RBL1: variants seen among roughly 807,000 people sequenced by gnomAD.
The protein encoded by RBL1 is retinoblastoma-like protein 1.
Under a neutral mutation model 123.0 loss-of-function variants are expected in RBL1, and 82 were observed. The ratio of observed to expected loss-of-function variants is 0.67; its 90% CI spans 0.56 to 0.80. The LOEUF (loss-of-function observed/expected upper bound fraction) is 0.80, where lower values mean the gene tolerates loss of function less well. Among genes scored for constraint, RBL1 ranks in the 30% least tolerant of loss-of-function variants. The pLI, the probability that RBL1 is intolerant of heterozygous loss-of-function variation, is 0.00. For synonymous variants in RBL1, 405 were observed against 441.3 expected, an observed-to-expected ratio of 0.92 and a Z score of 1.03; for missense variants, 1,171 against 1,299.6, an observed-to-expected ratio of 0.90 and a Z score of 1.52.
chr20:37,055,042 A>C (rs932733188), intron 11 of RBL1, among the ~76,000 whole-genome samples: 22 of 152,268 alleles, frequency 1.4e-4, no homozygotes, highest in African/African-American at 5.3e-4. Flanking sequence ...GGGATAGAAA[A>C]GTTAGAAGAC....
In RBL1 at chr20:36,998,849, T is replaced by C; in HGVS notation, c.3117A>G (p.Ala1039=). 2.5e-6 allele frequency: 4 copies of C among 1,613,398 alleles called. No homozygotes were observed. Among genetic ancestry groups the C allele is most frequent in the Non-Finnish European group, 3.4e-6 (4 of 1,179,362 alleles). ...KKRVIAIDSD[A]ESPAKRVCQE... ...GACAGACGCGTTTGGCAGGGGATTC[T>C]GCATCACTATCGATGGCTATTACTC... Residue 1039 remains alanine (A), a synonymous_variant, in exon 22 of 22, where the codon GCA becomes GCG. Transcript: ENST00000373664.
chr20:37,055,503 C>T, intron 11 of RBL1, 50 bp downstream of exon 11: 1 of 1,612,214 alleles, frequency 6.2e-7, no homozygotes, highest in Non-Finnish European at 8.5e-7. Flanking sequence ...ACACTGCTTC[C>T]AGGCTGACTT....
chr20:37,012,277 G>A (rs964807871), intron 19 of RBL1, among the ~76,000 whole-genome samples: 7 of 152,048 alleles, frequency 4.6e-5, no homozygotes, highest in South Asian at 4.2e-4. Flanking sequence ...GCCTCTGCCC[G>A]GCCGCCACCC....
chr20:37,085,745 C>T (rs1354953774), intron 2 of RBL1, among the ~76,000 whole-genome samples: 6 of 150,818 alleles, frequency 4.0e-5, no homozygotes, highest in Non-Finnish European at 8.8e-5. Context: ...GCGCCGCCTC[C>T]TGGGTTCACG....
chr20:37,019,577 A>T (rs2064307556), intron 18 of RBL1, among the ~76,000 whole-genome samples: 1 of 152,128 alleles, frequency 6.6e-6, no homozygotes, highest in Admixed American at 6.6e-5. Context: ...ATGTCTCTAT[A>T]TTGCTTGCTA....
chr20:37,010,818 ATCT>A (rs905701779), intron 19 of RBL1, among the ~76,000 whole-genome samples: 7 of 151,740 alleles, frequency 4.6e-5, no homozygotes, highest in African/African-American at 1.7e-4. Context: ...ACATATAATT[ATCT>A]TTTTTATTTT....
intron 14 of RBL1, among the ~76,000 whole-genome samples, chr20:37,038,880 G>C (rs1034450142): frequency 1.3e-5 from 2 of 152,152 alleles, no homozygotes; most frequent in African/African-American, 2.4e-5. Flanking sequence ...TGGGATTACA[G>C]GTGTGAGCCA....
Position 37,040,243 on chromosome 20 carries a change from C to G in RBL1, c.1813G>C (p.Val605Leu). The change falls in exon 14 of 22, where the codon GTG (valine) becomes CTG (leucine). Residue 605 changes from valine to leucine, a missense_variant. Val to Leu is a conservative substitution (Grantham distance 32). Coordinates refer to ENST00000373664, the MANE Select transcript of RBL1 (RefSeq NM_002895.5). Reference sequence around the variant, plus strand: ...GGCATCAGGGGAAGATGTCCCTGCACATTTCCTCCATTTCCTGTTTCAAAG... The same window carrying G: ...GGCATCAGGGGAAGATGTCCCTGCAGATTTCCTCCATTTCCTGTTTCAAAG... ...NNFETGNGGN[V>L]QGHLPLMPMS... The G allele has an allele frequency of 6.2e-7, 1 of 1,614,146 alleles. No homozygotes were observed. The highest frequency in any genetic ancestry group is 1.1e-5 in the South Asian group (1 of 91,082).
rs368931671 is a variant in RBL1 at position 37,067,995 on chromosome 20, C to A, written c.482G>T (p.Arg161Leu). ...AGGATTAAGGGCTCACCTCTGCTTC[C>A]GGCTTCGTGGTAACTTTGGTGGTTC... ...YEEPPKLPRSRKQRRIPCSVK... is the reference protein window; with the variant it reads ...YEEPPKLPRSLKQRRIPCSVK... The change falls in exon 3 of 22, where the codon CGG becomes CTG. Residue 161 changes from arginine to leucine, a missense_variant. Transcript: ENST00000373664. 1.9e-6 allele frequency: 3 copies of A among 1,613,348 alleles called. No homozygotes were observed. Among genetic ancestry groups the A allele is most frequent in the East Asian group, 2.2e-5 (1 of 44,830 alleles).
chr20:37,058,117 AAAAAAAAAAAAACAAAACAAAAC>A (rs1041949175), intron 9 of RBL1, among the ~76,000 whole-genome samples: 16 of 143,234 alleles, frequency 1.1e-4, no homozygotes, highest in African/African-American at 2.8e-4. Context: ...ACTCTGTCTA[AAAAAAAAAAAAACAAAACAAAAC>A]AAAAAAAAAA....
intron 1 of RBL1, among the ~76,000 whole-genome samples, chr20:37,091,571 T>C (rs1242083811): frequency 6.7e-6 from 1 of 148,976 alleles, no homozygotes; most frequent in Non-Finnish European, 1.5e-5. Context: ...GGAACTGAGA[T>C]GGGAGGATCA....
At chr20:37,048,192 C>G (rs1049392121) in intron 11 of RBL1, among the ~76,000 whole-genome samples, 2 of 152,132 alleles carry the variant, frequency 1.3e-5, no homozygotes, top group Non-Finnish European at 2.9e-5. Flanking sequence ...AGAATCTGAT[C>G]TAAAATACAT....
At chr20:37,073,418 C>G (rs1055449660) in intron 2 of RBL1, among the ~76,000 whole-genome samples, 1 of 152,128 alleles carries the variant, frequency 6.6e-6, no homozygotes, top group Non-Finnish European at 1.5e-5. Flanking sequence ...TATGCTACTG[C>G]TGGGTGTGGT....
At chr20:37,083,630 CAAAA>C (rs1189362667) in intron 2 of RBL1, among the ~76,000 whole-genome samples, 7 of 57,358 alleles carry the variant, frequency 1.2e-4, no homozygotes, top group Admixed American at 5.4e-4. Flanking sequence ...ACTAAAAATA[CAAAA>C]AAAAAAAAAA....
intron 21 of RBL1, among the ~76,000 whole-genome samples, chr20:37,000,922 A>G (rs2063965415): frequency 7.3e-6 from 1 of 137,720 alleles, no homozygotes; most frequent in South Asian, 2.3e-4. Context: ...CCGCCCGGCC[A>G]GCCGCCCCAT....
intron 2 of RBL1, among the ~76,000 whole-genome samples, chr20:37,086,958 T>C (rs546661646): frequency 2.0e-5 from 3 of 152,222 alleles, no homozygotes; most frequent in South Asian, 4.1e-4. Context: ...AAATCACTTA[T>C]ACAGTTTTCC....
At chr20:37,083,061 T>C (rs931372668) in intron 2 of RBL1, among the ~76,000 whole-genome samples, 4 of 152,136 alleles carry the variant, frequency 2.6e-5, no homozygotes, top group African/African-American at 9.7e-5. Context: ...ACAGCCCAAA[T>C]TATTATAAGT....
intron 20 of RBL1, among the ~76,000 whole-genome samples, chr20:37,006,284 T>G (rs1004924147): frequency 1.4e-4 from 21 of 150,570 alleles, no homozygotes; most frequent in Non-Finnish European, 2.5e-4. Context: ...CACTGCAACC[T>G]CCGCTTTCTG....
At chr20:37,002,212 G>C (rs1031380838) in intron 21 of RBL1, among the ~76,000 whole-genome samples, 1 of 150,916 alleles carries the variant, frequency 6.6e-6, no homozygotes, top group Non-Finnish European at 1.5e-5. Flanking sequence ...TGTCTTTTTA[G>C]TAGAGACAGG....
Sources: gnomAD v4.1 joint callset for allele counts (sites outside exome capture counted in the v4.1 genomes callset) on GRCh38, gnomAD v4.1.1 for gene constraint, MANE v1.5 for transcripts, NCBI Gene and HGNC (gene_info 2026-07-23, HGNC 2026-07-21) for gene names.